Variants in GRID2 observed in about 807,000 individuals in gnomAD.
GRID2 encodes the protein glutamate ionotropic receptor delta type subunit 2.
Under a neutral mutation model 114.8 loss-of-function variants are expected in GRID2, and 33 were observed. The ratio of observed to expected loss-of-function variants is 0.29; its 90% CI spans 0.22 to 0.38. The LOEUF (loss-of-function observed/expected upper bound fraction) is 0.38, where lower values mean the gene tolerates loss of function less well. Among genes scored for constraint, GRID2 ranks in the 10% least tolerant of loss-of-function variants. GRID2 has a pLI of 1.00. For missense variants in GRID2, 1,184 were observed against 1,257.7 expected (o/e 0.94, Z 0.89); for synonymous variants, 505 against 449.9 (o/e 1.12, Z -1.55).
At chr4:93,021,992 C>T (rs1045155752) in intron 2 of GRID2, among the ~76,000 whole-genome samples, 7 of 151,218 alleles carry the variant, frequency 4.6e-5, no homozygotes, top group East Asian at 3.9e-4. Flanking sequence ...TTTGCCATTA[C>T]TTTCATTGGC....
chr4:92,491,794 T>C (rs1307535663), intron 1 of GRID2, among the ~76,000 whole-genome samples: 5 of 152,176 alleles, frequency 3.3e-5, no homozygotes. Flanking sequence ...TGTTCTATGG[T>C]TTCTTCAGTG....
intron 8 of GRID2, among the ~76,000 whole-genome samples, chr4:93,361,948 G>GC (rs1259386636): frequency 6.6e-6 from 1 of 151,994 alleles, no homozygotes; most frequent in Non-Finnish European, 1.5e-5. Flanking sequence ...TAGGTATTAG[G>GC]CCCCATATGC....
chr4:93,517,347 G>A (rs1024711238), intron 13 of GRID2, among the ~76,000 whole-genome samples: 1 of 152,034 alleles, frequency 6.6e-6, no homozygotes, highest in Non-Finnish European at 1.5e-5. Flanking sequence ...TCTATTCTTT[G>A]TTAGTCTGTT....
At chr4:92,405,818 T>C (rs978522145) in intron 1 of GRID2, among the ~76,000 whole-genome samples, 1 of 152,030 alleles carries the variant, frequency 6.6e-6, no homozygotes, top group African/African-American at 2.4e-5. Flanking sequence ...ACGGTATAAA[T>C]CATATATGAA....
chr4:93,371,833 C>T (rs763671817), intron 8 of GRID2, among the ~76,000 whole-genome samples: 44 of 146,792 alleles, frequency 3.0e-4, no homozygotes, highest in Admixed American at 1.1e-3. Context: ...CTGCAACTTC[C>T]GCCTCCAAGG....
At chr4:92,373,645 C>T (rs1219822885) in intron 1 of GRID2, among the ~76,000 whole-genome samples, 2 of 152,118 alleles carry the variant, frequency 1.3e-5, no homozygotes, top group Admixed American at 1.3e-4. Flanking sequence ...TTGTAAACTC[C>T]ACAAAGGCAG....
At chr4:92,377,516 C>T (rs1423921602) in intron 1 of GRID2, among the ~76,000 whole-genome samples, 1 of 152,150 alleles carries the variant, frequency 6.6e-6, no homozygotes, top group Non-Finnish European at 1.5e-5. Context: ...GCCTGTTACC[C>T]AGTTCCAAAC....
intron 1 of GRID2, among the ~76,000 whole-genome samples, chr4:92,364,671 A>C (rs1489391603): frequency 6.6e-6 from 1 of 152,028 alleles, no homozygotes; most frequent in Non-Finnish European, 1.5e-5. Flanking sequence ...TGTTCAGCAG[A>C]AGTAGAGAGT....
chr4:93,526,774 A>G (rs1229886663), intron 13 of GRID2, among the ~76,000 whole-genome samples: 2 of 152,178 alleles, frequency 1.3e-5, no homozygotes, highest in Admixed American at 6.5e-5. Flanking sequence ...GCGCCATTGC[A>G]CTCCAGCCTG....
intron 4 of GRID2, among the ~76,000 whole-genome samples, chr4:93,155,613 A>T (rs1220618737): frequency 6.6e-6 from 1 of 151,980 alleles, no homozygotes; most frequent in Non-Finnish European, 1.5e-5. Context: ...GTCCAGTAAG[A>T]TGACGTAAGA....
At chr4:92,625,001 T>C (rs1730451495) in intron 2 of GRID2, among the ~76,000 whole-genome samples, 1 of 151,804 alleles carries the variant, frequency 6.6e-6, no homozygotes, top group South Asian at 2.1e-4. Flanking sequence ...CTTAAATTTT[T>C]GGTGGTATAC....
In GRID2 at chr4:92,816,427, C is replaced by T. The variant is rs113953765; in HGVS notation, c.244+226141C>T. Among the ~76,000 whole-genome samples, 1,004 of 151,606 alleles carry T rather than the reference C, an allele frequency of 6.6e-3. 17 individuals carry two copies. Among genetic ancestry groups the T allele is most frequent in the African/African-American group, 0.023 (940 of 41,294 alleles). On this transcript the variant is annotated intron_variant, in intron 2 of 15. Transcript: ENST00000282020. The stretch of plus-strand genomic sequence containing the variant: ...TCTTCAAATTTATTCACATTAAAAC[C>T]TTATTATTGCTCATACATTAATGCA...
At chr4:92,499,036 A>G (rs1180617548) in intron 1 of GRID2, among the ~76,000 whole-genome samples, 5 of 151,790 alleles carry the variant, frequency 3.3e-5, no homozygotes, top group Admixed American at 6.6e-5. Flanking sequence ...TCTAGGGACA[A>G]TCTTAATATA....
At chr4:93,733,920 A>G (rs1254581828) in intron 14 of GRID2, among the ~76,000 whole-genome samples, 1 of 152,086 alleles carries the variant, frequency 6.6e-6, no homozygotes, top group African/African-American at 2.4e-5. Flanking sequence ...TATTAACCTT[A>G]ATTACAATTT....
At chr4:92,321,162 T>C (rs1180047069) in intron 1 of GRID2, among the ~76,000 whole-genome samples, 7 of 152,200 alleles carry the variant, frequency 4.6e-5, no homozygotes, top group Admixed American at 3.3e-4. Flanking sequence ...GCTCCAAGGA[T>C]GGCAGAAGTA....
At chr4:93,682,775 C>G (rs541387237) in intron 14 of GRID2, among the ~76,000 whole-genome samples, 29 of 91,490 alleles carry the variant, frequency 3.2e-4, no homozygotes, top group African/African-American at 1.3e-3. Context: ...ACTCTGGGGA[C>G]TGTTGTGGGG....
At chr4:93,183,753 A>G (rs370563853) in intron 4 of GRID2, among the ~76,000 whole-genome samples, 2 of 152,330 alleles carry the variant, frequency 1.3e-5, no homozygotes, top group East Asian at 1.9e-4. Flanking sequence ...AATAAACTAT[A>G]TCAGTAAATC....
intron 1 of GRID2, among the ~76,000 whole-genome samples, chr4:92,554,273 T>C (rs1265108138): frequency 6.6e-6 from 1 of 152,116 alleles, no homozygotes; most frequent in South Asian, 2.1e-4. Flanking sequence ...AGTGATGCCG[T>C]CTATAAGAAA....
chr4:93,324,066 C>G (rs1263698642), intron 8 of GRID2, among the ~76,000 whole-genome samples: 4 of 152,110 alleles, frequency 2.6e-5, no homozygotes, highest in African/African-American at 9.7e-5. Flanking sequence ...TTGCCCTGGC[C>G]AGAACTTCCA....
Sources: gnomAD v4.1 joint callset for allele counts (sites outside exome capture counted in the v4.1 genomes callset) on GRCh38, gnomAD v4.1.1 for gene constraint, MANE v1.5 for transcripts, NCBI Gene and HGNC (gene_info 2026-07-23, HGNC 2026-07-21) for gene names.